SRBD1: variants seen among roughly 807,000 people sequenced by gnomAD.
The protein encoded by SRBD1 is S1 RNA-binding domain-containing protein 1.
Under a neutral mutation model 115.3 loss-of-function variants are expected in SRBD1, and 88 were observed. The observed-to-expected ratio is 0.76, with a 90% CI of 0.64 to 0.91. SRBD1 has a LOEUF of 0.91. Ranked by LOEUF, SRBD1 falls within the 40% of genes least tolerant of loss-of-function variation. SRBD1 has a pLI of 0.00. For missense variants in SRBD1, 1,385 were observed against 1,177.4 expected, an observed-to-expected ratio of 1.18 and a Z score of -2.58; for synonymous variants, 509 against 407.7, an observed-to-expected ratio of 1.25 and a Z score of -2.99.
At chr2:45,409,250 C>A (rs1667525637) in intron 19 of SRBD1, among the ~76,000 whole-genome samples, 1 of 151,614 alleles carries the variant, frequency 6.6e-6, no homozygotes, top group Admixed American at 6.6e-5. Context: ...CTCCCCCTCC[C>A]CCCAAAAAAA....
intron 9 of SRBD1, 71 bp downstream of exon 9, chr2:45,573,136 A>T: frequency 6.9e-7 from 1 of 1,439,050 alleles, no homozygotes; most frequent in South Asian, 1.5e-5. Flanking sequence ...AATTCTTAGT[A>T]AAGTAGCAGG....
intron 19 of SRBD1, among the ~76,000 whole-genome samples, chr2:45,409,430 G>A (rs1411579865): frequency 3.4e-5 from 5 of 148,946 alleles, no homozygotes; most frequent in African/African-American, 1.2e-4. Context: ...CTGAACCATG[G>A]CCCAAAGTTG....
chr2:45,593,058 T>C (rs1162673130), intron 4 of SRBD1, among the ~76,000 whole-genome samples: 1 of 152,190 alleles, frequency 6.6e-6, no homozygotes, highest in Non-Finnish European at 1.5e-5. Context: ...TTTTTAAAAA[T>C]TAACTGGCAG....
chr2:45,603,848 T>C (rs1674177842), intron 2 of SRBD1, among the ~76,000 whole-genome samples: 1 of 152,062 alleles, frequency 6.6e-6, no homozygotes, highest in African/African-American at 2.4e-5. Context: ...CAATTTTATA[T>C]AGTATCTCCA....
chr2:45,542,240 A>C (rs1264985474), intron 14 of SRBD1, among the ~76,000 whole-genome samples: 1 of 152,254 alleles, frequency 6.6e-6, no homozygotes, highest in Non-Finnish European at 1.5e-5. Context: ...ACACCTGTCC[A>C]GGTCGCAACA....
chr2:45,589,763 T>C (rs1673657424), intron 4 of SRBD1, among the ~76,000 whole-genome samples: 1 of 152,212 alleles, frequency 6.6e-6, no homozygotes, highest in South Asian at 2.1e-4. Context: ...ATGTTTTCTA[T>C]ATTGATTCAG....
At chr2:45,552,361 AAGAAAG>A (rs757859817) in intron 11 of SRBD1, among the ~76,000 whole-genome samples, 21 of 152,346 alleles carry the variant, frequency 1.4e-4, no homozygotes, top group Admixed American at 2.6e-4. Flanking sequence ...ATTTTAGAAA[AAGAAAG>A]AGAAAGTACT....
Position 45,602,052 on chromosome 2 carries a change from C to A in SRBD1, c.112G>T (p.Asp38Tyr). The A allele has an allele frequency of 1.9e-6, 3 of 1,614,074 alleles. No individual in the cohort carries two copies. Among genetic ancestry groups the A allele is most frequent in the South Asian group, 2.2e-5 (2 of 91,068 alleles). ...SSASEEDDKE[D>Y]SAWEPQKKVP... is the part of the protein sequence containing the mutation. The stretch of plus-strand genomic sequence containing the variant: ...TTCTTTTGGGGCTCCCAGGCACTAT[C>A]TTCCTTGTCATCTTCTTCAGAGGCA... The change falls in exon 3 of 21, where the codon GAT (aspartate) becomes TAT (tyrosine). Residue 38 changes from aspartate to tyrosine, a missense_variant. Physicochemically the swap from Asp to Tyr is radical, Grantham distance 160 (BLOSUM62 -3). Transcript: ENST00000263736.
In SRBD1 at chr2:45,574,628, A is replaced by G. The variant is rs1365142698; in HGVS notation, c.1168T>C (p.Leu390=). The change falls in exon 8 of 21, where the codon TTG becomes CTG. Residue 390 remains leucine (L), a splice_region_variant and synonymous_variant. Transcript: ENST00000263736. ...AAACTCCATAAAAGAGATACTCACA[A>G]GTTCCGAATGAAGTCAAGCGTGTCT... ...DKDTLDFIRN[L]CQKRHVCIQS... 1.9e-6 allele frequency: 3 copies of G among 1,612,794 alleles called. No homozygotes were observed. Among genetic ancestry groups the G allele is most frequent in the Non-Finnish European group, 2.5e-6 (3 of 1,179,480 alleles).
intron 14 of SRBD1, among the ~76,000 whole-genome samples, chr2:45,500,951 TG>T (rs1400542016): frequency 6.6e-6 from 1 of 152,202 alleles, no homozygotes; most frequent in Non-Finnish European, 1.5e-5. Flanking sequence ...TAGGCATACT[TG>T]TCTTGTTCTG....
At chr2:45,414,024 G>T (rs35616470) in intron 18 of SRBD1, among the ~76,000 whole-genome samples, 1 of 152,150 alleles carries the variant, frequency 6.6e-6, no homozygotes, top group African/African-American at 2.4e-5. Flanking sequence ...ATTCTAAAAG[G>T]CTTTCAAGAG....
chr2:45,596,431 T>G (rs1418449317), intron 4 of SRBD1, among the ~76,000 whole-genome samples: 2 of 152,194 alleles, frequency 1.3e-5, no homozygotes, highest in African/African-American at 2.4e-5. Context: ...CAAATTTTCT[T>G]CTCTCAAAGC....
At chr2:45,492,807 C>T (rs1044334136) in intron 14 of SRBD1, among the ~76,000 whole-genome samples, 2 of 152,132 alleles carry the variant, frequency 1.3e-5, no homozygotes, top group African/African-American at 4.8e-5. Context: ...TTCATGAAGA[C>T]TCTGCATGAA....
rs1369654763 is a variant in SRBD1 at position 45,581,801 on chromosome 2, T to C, written c.825A>G (p.Ala275=). Reference sequence around the variant, plus strand: ...TCTGGATTGTACTATGAACTTTCTTTGCAACAGCCCTGAAAAGAGAAACTT... The same window carrying C: ...TCTGGATTGTACTATGAACTTTCTTCGCAACAGCCCTGAAAAGAGAAACTT... ...QQTLEELRAV[A]KKVHSTIQKI... is the part of the protein sequence containing the mutation. Residue 275 remains alanine, a synonymous_variant, in exon 6 of 21, where the codon GCA becomes GCG. Coordinates refer to ENST00000263736, the MANE Select transcript of SRBD1 (RefSeq NM_018079.5). The C allele has an allele frequency of 1.9e-6, 3 of 1,611,800 alleles. No homozygotes were observed. Among genetic ancestry groups the C allele is most frequent in the Non-Finnish European group, 2.5e-6 (3 of 1,179,044 alleles).
intron 10 of SRBD1, among the ~76,000 whole-genome samples, chr2:45,558,903 G>T (rs770686646): frequency 6.6e-6 from 1 of 151,692 alleles, no homozygotes; most frequent in Non-Finnish European, 1.5e-5. Context: ...TGTTGGTCAG[G>T]TTGGTCTCAA....
intron 16 of SRBD1, among the ~76,000 whole-genome samples, chr2:45,455,894 A>G (rs75967066): frequency 0.015 from 2,253 of 152,040 alleles, 60 homozygotes; most frequent in African/African-American, 0.05. Flanking sequence ...ATTGCCACAA[A>G]GACACATTTA....
At chr2:45,592,076 TG>T (rs1673744018) in intron 4 of SRBD1, among the ~76,000 whole-genome samples, 1 of 152,160 alleles carries the variant, frequency 6.6e-6, no homozygotes, top group Non-Finnish European at 1.5e-5. Flanking sequence ...CCAGATCTGA[TG>T]GGTTTATCAG....
intron 14 of SRBD1, among the ~76,000 whole-genome samples, chr2:45,544,008 A>C (rs575513934): frequency 3.9e-5 from 6 of 152,312 alleles, no homozygotes; most frequent in African/African-American, 1.4e-4. Flanking sequence ...GACTATATTC[A>C]TAAAAGTGCA....
At chr2:45,390,835 C>T (rs1283632884) in intron 20 of SRBD1, among the ~76,000 whole-genome samples, 1 of 152,190 alleles carries the variant, frequency 6.6e-6, no homozygotes, top group Non-Finnish European at 1.5e-5. Context: ...CTTCTTTAAA[C>T]TCCAAATCTC....
Sources: allele counts gnomAD v4.1 joint callset (sites outside exome capture counted in the v4.1 genomes callset), GRCh38; gene constraint gnomAD v4.1.1; transcripts MANE v1.5; gene names NCBI Gene and HGNC (gene_info 2026-07-23, HGNC 2026-07-21).